CCDC33: variants seen among roughly 807,000 people sequenced by gnomAD.
CCDC33 encodes the protein coiled-coil domain-containing protein 33.
In CCDC33, 94 loss-of-function variants were observed where a neutral mutation model predicts 91.9. That is an observed-to-expected ratio of 1.02 (90% CI 0.87 to 1.21). CCDC33 has a LOEUF of 1.21. Among genes scored for constraint, CCDC33 ranks in the 50% most tolerant of loss-of-function variants. The pLI is 0.00. For missense variants in CCDC33, 940 were observed against 935.5 expected, an observed-to-expected ratio of 1.00 and a Z score of -0.06; for synonymous variants, 396 against 374.5, an observed-to-expected ratio of 1.06 and a Z score of -0.66.
At position 74,266,672 on chromosome 15, in the gene CCDC33, T is replaced by C. The variant is rs768057399; in HGVS notation, c.320-6T>C. 1 of 1,608,368 alleles carries C rather than the reference T, an allele frequency of 6.2e-7. No individual in the cohort carries two copies. Among genetic ancestry groups the C allele is most frequent in the Non-Finnish European group, 8.5e-7 (1 of 1,174,728 alleles). The stretch of plus-strand genomic sequence containing the variant: ...ATAAACCTGGGCTCATTTTTTCTCT[T>C]TCCAGATGTGATCCTCAAGGTGGTG... On this transcript the variant is annotated splice_polypyrimidine_tract_variant and splice_region_variant and intron_variant, in intron 3 of 18. Coordinates refer to ENST00000398814, the MANE Select transcript of CCDC33 (RefSeq NM_025055.5).
chr15:74,312,965 G>T (rs368290116), intron 11 of CCDC33, among the ~76,000 whole-genome samples: 1 of 152,210 alleles, frequency 6.6e-6, no homozygotes, highest in Non-Finnish European at 1.5e-5. Context: ...ACCAAACAAT[G>T]CCCTGGAAGG....
intron 2 of CCDC33, among the ~76,000 whole-genome samples, chr15:74,259,758 G>A (rs2075970763): frequency 6.6e-6 from 1 of 152,222 alleles, no homozygotes; most frequent in Non-Finnish European, 1.5e-5. Flanking sequence ...TACGAGGACA[G>A]TAGAAGACAG....
At chr15:74,204,252 G>A (rs768261119) in intron 1 of CCDC33, among the ~76,000 whole-genome samples, 3 of 152,218 alleles carry the variant, frequency 2.0e-5, no homozygotes, top group Non-Finnish European at 4.4e-5. Context: ...GTGAGCTCCC[G>A]GAGGGCGGGA....
chr15:74,306,441 T>A (rs1459904492), intron 11 of CCDC33, among the ~76,000 whole-genome samples: 2 of 152,204 alleles, frequency 1.3e-5, no homozygotes, highest in Non-Finnish European at 2.9e-5. Flanking sequence ...CATGAAACCA[T>A]AACAGATCTT....
chr15:74,215,875 A>G (rs745308135), upstream of CCDC33, among the ~76,000 whole-genome samples: 69 of 91,804 alleles, frequency 7.5e-4, no homozygotes, highest in Non-Finnish European at 1.5e-3. Context: ...CGATCTCACC[A>G]AAAAAAAAAA....
chr15:74,335,761 T>G, intron 18 of CCDC33, 164 bp from the exon 19 acceptor site: 1 of 634,228 alleles, frequency 1.6e-6, no homozygotes. Context: ...CTTGGAGAAA[T>G]TAGGTGTCAC....
chr15:74,259,509 G>T (rs1039653545), intron 2 of CCDC33, among the ~76,000 whole-genome samples: 1 of 151,978 alleles, frequency 6.6e-6, no homozygotes, highest in Admixed American at 6.5e-5. Context: ...CCCTCCACCT[G>T]CTAAAAGCCT....
At chr15:74,249,131 A>C (rs191420299) in intron 2 of CCDC33, among the ~76,000 whole-genome samples, 37 of 152,254 alleles carry the variant, frequency 2.4e-4, no homozygotes, top group Admixed American at 9.8e-4. Flanking sequence ...AAAGTTTATT[A>C]GTCTGCAAAA....
chr15:74,309,647 G>T (rs2059955343), intron 11 of CCDC33, among the ~76,000 whole-genome samples: 1 of 152,096 alleles, frequency 6.6e-6, no homozygotes, highest in African/African-American at 2.4e-5. Flanking sequence ...AGAGTACAGT[G>T]TAGGAGAGTG....
intron 11 of CCDC33, among the ~76,000 whole-genome samples, chr15:74,297,503 G>T (rs1316734637): frequency 6.6e-6 from 1 of 151,982 alleles, no homozygotes; most frequent in Non-Finnish European, 1.5e-5. Context: ...GACCAGCCCT[G>T]GCAACATAAT....
chr15:74,308,561 G>T (rs1173408420), intron 11 of CCDC33, among the ~76,000 whole-genome samples: 1 of 152,194 alleles, frequency 6.6e-6, no homozygotes, highest in Non-Finnish European at 1.5e-5. Context: ...AGACCCGAGT[G>T]GCTTGAGCAT....
intron 16 of CCDC33, chr15:74,333,307 G>C: frequency 1.3e-6 from 2 of 1,590,164 alleles, no homozygotes; most frequent in Non-Finnish European, 8.6e-7. Flanking sequence ...AGTGCACAGA[G>C]ACCCTGCCCG....
chr15:74,209,511 AG>A, exon 2 of CCDC33: 1 of 1,389,752 alleles, frequency 7.2e-7, no homozygotes, highest in Non-Finnish European at 9.8e-7. Context: ...GAGTCATCAC[AG>A]GGCTTCAGGG....
intron 7 of CCDC33, among the ~76,000 whole-genome samples, chr15:74,273,941 C>G (rs1310715425): frequency 6.6e-6 from 1 of 150,692 alleles, no homozygotes; most frequent in Non-Finnish European, 1.5e-5. Context: ...AAGCAATTCT[C>G]CTGCCTCAGC....
chr15:74,288,810 C>G (rs970459551), intron 10 of CCDC33, among the ~76,000 whole-genome samples: 2 of 152,212 alleles, frequency 1.3e-5, no homozygotes, highest in Non-Finnish European at 2.9e-5. Flanking sequence ...CAATGTCCAC[C>G]TTGTAAGCCT....
chr15:74,233,832 A>G (rs57453547), upstream of CCDC33, among the ~76,000 whole-genome samples: 3,004 of 152,284 alleles, frequency 0.02, 103 homozygotes, highest in African/African-American at 0.069. Context: ...AAGATCACAC[A>G]GCTTTGAGCT....
At chr15:74,262,963 A>G (rs2076067636) in intron 3 of CCDC33, among the ~76,000 whole-genome samples, 1 of 152,190 alleles carries the variant, frequency 6.6e-6, no homozygotes, top group African/African-American at 2.4e-5. Context: ...TTAAGAGAAC[A>G]TCGAGGTTCA....
chr15:74,279,139 T>G (rs1228867805), intron 7 of CCDC33, among the ~76,000 whole-genome samples: 1 of 152,210 alleles, frequency 6.6e-6, no homozygotes, highest in Non-Finnish European at 1.5e-5. Context: ...ACCCAGCAAT[T>G]CCATTTTAGG....
In CCDC33 at chr15:74,217,438, G is replaced by C. The variant is rs1312319786; in HGVS notation, c.167G>C (p.Gly56Ala). The change falls in exon 1 of 3, where the codon GGC becomes GCC. Residue 56 changes from glycine (G) to alanine (A), a missense_variant. Transcript: ENST00000635913. ...TCAGCAGAGAACCCCCTGCAGGTGGGCTCTGGGGCTGGGGTGCAGTTGCAA... is the reference window on the plus strand; with the variant it reads ...TCAGCAGAGAACCCCCTGCAGGTGGCCTCTGGGGCTGGGGTGCAGTTGCAA... 2.3e-6 allele frequency: 3 copies of C among 1,289,748 alleles called. No homozygotes were observed. The African/African-American group carries it at 4.6e-5, about 20-fold the overall frequency. The allele number at this position is 1,289,748 out of a possible 1,614,324, so 79.9% of individuals were successfully genotyped here.
Sources: gnomAD v4.1 joint callset for allele counts (sites outside exome capture counted in the v4.1 genomes callset) on GRCh38, gnomAD v4.1.1 for gene constraint, MANE v1.5 for transcripts, NCBI Gene and HGNC (gene_info 2026-07-23, HGNC 2026-07-21) for gene names.